HLCS: variants seen among roughly 807,000 people sequenced by gnomAD.
HLCS encodes the protein biotin--protein ligase.
A neutral mutation model predicts 75.0 loss-of-function variants in HLCS; 53 were observed. That is an observed-to-expected ratio of 0.71 (90% CI 0.57 to 0.89). The LOEUF is 0.89. Ranked by LOEUF, HLCS falls within the 40% of genes least tolerant of loss-of-function variation. The pLI, the probability that HLCS is intolerant of heterozygous loss-of-function variation, is 0.00. For missense variants in HLCS, 966 were observed against 1,074.0 expected, an observed-to-expected ratio of 0.90 and a Z score of 1.41; for synonymous variants, 431 against 428.6, an observed-to-expected ratio of 1.01 and a Z score of -0.07.
At chr21:36,766,174 C>T (rs902510540) in intron 7 of HLCS, among the ~76,000 whole-genome samples, 1 of 152,100 alleles carries the variant, frequency 6.6e-6, no homozygotes, top group Non-Finnish European at 1.5e-5. Context: ...CAGGTGAGTA[C>T]CACCATGCCC....
At position 36,896,845 on chromosome 21, in the gene HLCS, C is replaced by G; in HGVS notation, c.1892+15G>C. ...AGGACTCCTCTGAGCAGATGCAGACCTGCTCACACCTTACCCATCCAGGAG... is the reference window on the plus strand; with the variant it reads ...AGGACTCCTCTGAGCAGATGCAGACGTGCTCACACCTTACCCATCCAGGAG... On this transcript the variant is annotated intron_variant, in intron 6 of 10. Transcript: ENST00000674895. 2 of 1,613,862 alleles carry G rather than the reference C, an allele frequency of 1.2e-6. No individual in the cohort carries two copies. Among genetic ancestry groups the G allele is most frequent in the Non-Finnish European group, 1.7e-6 (2 of 1,179,778 alleles).
intron 6 of HLCS, among the ~76,000 whole-genome samples, chr21:36,869,848 AACAGAGGTCTTCC>A (rs1404966117): frequency 6.6e-6 from 1 of 152,214 alleles, no homozygotes; most frequent in Non-Finnish European, 1.5e-5. Context: ...AAAGAGAAAG[AACAGAGGTCTTCC>A]ACCTAGAATC....
At chr21:36,890,495 A>G (rs1052136360) in intron 6 of HLCS, among the ~76,000 whole-genome samples, 9 of 152,074 alleles carry the variant, frequency 5.9e-5, no homozygotes, top group African/African-American at 2.2e-4. Flanking sequence ...CGGCACCCAC[A>G]TTGCCCTGTG....
intron 4 of HLCS, among the ~76,000 whole-genome samples, chr21:36,932,067 T>A (rs1323453690): frequency 6.6e-6 from 1 of 152,092 alleles, no homozygotes; most frequent in African/African-American, 2.4e-5. Context: ...CAGGGCTGAC[T>A]CCCCCACCAG....
intron 5 of HLCS, among the ~76,000 whole-genome samples, chr21:36,909,183 C>A (rs1014037865): frequency 6.6e-6 from 1 of 151,930 alleles, no homozygotes; most frequent in African/African-American, 2.4e-5. Flanking sequence ...GGCAACAGAG[C>A]GAGACTCCAT....
At chr21:36,974,731 C>A (rs1046655355) in intron 1 of HLCS, 6 of 152,126 alleles carry the variant, frequency 3.9e-5, no homozygotes, top group Admixed American at 1.3e-4. Context: ...GGGGGACAAT[C>A]CTGTAAGGAC....
At chr21:36,834,323 G>A (rs2062325818) in intron 6 of HLCS, among the ~76,000 whole-genome samples, 1 of 152,222 alleles carries the variant, frequency 6.6e-6, no homozygotes, top group African/African-American at 2.4e-5. Context: ...GTGTGTGGGA[G>A]TCTGTGGGAG....
Position 36,938,987 on chromosome 21 carries a change from T to C in HLCS, c.338A>G (p.Lys113Arg), listed in dbSNP as rs188267235. The C allele has an allele frequency of 2.5e-6, 4 of 1,606,958 alleles. No homozygotes were observed. The highest frequency in any genetic ancestry group is 1.7e-5 in the Admixed American group (1 of 59,934). ...TAATGGCAAACAACAGTCTGACCAC[T>C]TGACAATCTGAGAAAAAGCAGGAGA... is the stretch of plus-strand genomic sequence containing the variant. ...QRSSSSETIV[K>R]WSDCCLPLAC... Residue 113 changes from lysine to arginine, a missense_variant, in exon 3 of 11, where the codon AAG becomes AGG. Physicochemically the swap from Lys to Arg is conservative, Grantham distance 26. Transcript: ENST00000674895.
At chr21:36,844,901 G>A (rs2062743305) in intron 6 of HLCS, among the ~76,000 whole-genome samples, 1 of 152,140 alleles carries the variant, frequency 6.6e-6, no homozygotes, top group African/African-American at 2.4e-5. Context: ...ACAGATGTTG[G>A]AGACCTATTA....
At chr21:36,781,407 T>C (rs2060529989) in intron 6 of HLCS, among the ~76,000 whole-genome samples, 1 of 152,314 alleles carries the variant, frequency 6.6e-6, no homozygotes, top group Non-Finnish European at 1.5e-5. Context: ...AAATATACTT[T>C]TGTGTCTTTC....
chr21:36,776,730 T>C (rs1200856202), intron 6 of HLCS, among the ~76,000 whole-genome samples: 3 of 152,160 alleles, frequency 2.0e-5, no homozygotes, highest in Non-Finnish European at 4.4e-5. Context: ...CACTATTATC[T>C]AATCCAGAGG....
At chr21:36,793,452 C>A (rs1388488065) in intron 6 of HLCS, among the ~76,000 whole-genome samples, 2 of 152,036 alleles carry the variant, frequency 1.3e-5, no homozygotes, top group Non-Finnish European at 2.9e-5. Context: ...CAGGCATGCA[C>A]CACCATGCCC....
intron 1 of HLCS, among the ~76,000 whole-genome samples, chr21:36,978,794 G>A (rs550111039): frequency 1.2e-4 from 18 of 152,254 alleles, no homozygotes; most frequent in Admixed American, 4.6e-4. Flanking sequence ...GTTCAACAGC[G>A]GACTCAGCTG....
intron 6 of HLCS, among the ~76,000 whole-genome samples, chr21:36,799,413 T>C (rs1339821161): frequency 1.3e-5 from 2 of 152,220 alleles, no homozygotes; most frequent in African/African-American, 2.4e-5. Flanking sequence ...TCTTGAATAC[T>C]AGGGCAAGTT....
At chr21:36,836,716 C>T (rs1206208776) in intron 6 of HLCS, among the ~76,000 whole-genome samples, 2 of 151,852 alleles carry the variant, frequency 1.3e-5, no homozygotes, top group Non-Finnish European at 2.9e-5. Context: ...CATGAACAGA[C>T]ACTTCTCAAA....
At chr21:36,767,989 CA>C (rs1042960788) in intron 6 of HLCS, among the ~76,000 whole-genome samples, 3 of 151,336 alleles carry the variant, frequency 2.0e-5, no homozygotes, top group African/African-American at 7.3e-5. Flanking sequence ...AACTTTTTTT[CA>C]AAAAAAGGAA....
In HLCS at chr21:36,842,174, A is replaced by G. The variant is rs537897959; in HGVS notation, c.1892+54686T>C. 6.6e-6 allele frequency among the ~76,000 whole-genome samples: 1 copy of G among 152,330 alleles called. No homozygotes were observed. The highest frequency in any genetic ancestry group is 1.9e-4 in the East Asian group (1 of 5,186). ...AATGAACAAACTATAGCAACAACAC[A>G]GATGACAAGTCAGAATGCAAGAGGC... On this transcript the variant is annotated intron_variant, in intron 6 of 10. Transcript: ENST00000674895. The surrounding 1 kb of genome is among the most constrained non-coding windows in gnomAD (Gnocchi z 4.2).
At chr21:36,797,063 T>C (rs1024823942) in intron 6 of HLCS, among the ~76,000 whole-genome samples, 34 of 152,082 alleles carry the variant, frequency 2.2e-4, no homozygotes, top group African/African-American at 7.2e-4. Flanking sequence ...GACGGGGTTT[T>C]ACCATGTTGG....
chr21:36,966,343 G>C (rs1267669877), intron 1 of HLCS, 101 bp downstream of exon 1: 2 of 523,498 alleles, frequency 3.8e-6, no homozygotes, highest in Non-Finnish European at 4.9e-6. Flanking sequence ...GCGCCACTCC[G>C]GGGCTCCCGA....
Sources: allele counts gnomAD v4.1 joint callset (sites outside exome capture counted in the v4.1 genomes callset), GRCh38; gene constraint gnomAD v4.1.1; non-coding constraint Gnocchi (gnomAD v3.1); transcripts MANE v1.5; gene names NCBI Gene and HGNC (gene_info 2026-07-23, HGNC 2026-07-21).